Variants in GLIS1 observed in about 807,000 individuals in gnomAD.
GLIS1 encodes the protein GLIS family zinc finger 1, also known as zinc finger protein GLIS1.
In GLIS1, 24 loss-of-function variants were observed where a neutral mutation model predicts 63.8. That is an observed-to-expected ratio of 0.38 (90% CI 0.27 to 0.53). The LOEUF is 0.53. GLIS1 is among the 20% of genes least tolerant of loss of function. The probability of loss-of-function intolerance (pLI) is 0.85; values close to 1 mark genes in which losing one functional copy is unlikely to be tolerated. For missense variants in GLIS1, 1,036 were observed against 1,074.1 expected (o/e 0.96, Z 0.50); for synonymous variants, 450 against 482.5 (o/e 0.93, Z 0.88).
intron 2 of GLIS1, among the ~76,000 whole-genome samples, chr1:53,691,814 C>T (rs1457827130): frequency 6.6e-6 from 1 of 152,182 alleles, no homozygotes; most frequent in African/African-American, 2.4e-5. Flanking sequence ...CCTACCCCCA[C>T]TCCAACCCAG....
intron 6 of GLIS1, among the ~76,000 whole-genome samples, chr1:53,522,994 T>C (rs1174665185): frequency 6.7e-6 from 1 of 148,934 alleles, no homozygotes; most frequent in African/African-American, 2.5e-5. Flanking sequence ...TTCTTTTTTT[T>C]TTTTTTTTTT....
rs1354715743 is a variant in GLIS1, at chr1:53,539,994, CCT to C, written c.1321-10044_1321-10043del. On this transcript the variant is annotated intron_variant, in intron 4 of 10. Coordinates refer to ENST00000628545, the MANE Select transcript of GLIS1 (RefSeq NM_001367484.1). The surrounding 1 kb of genome is among the most constrained non-coding windows in gnomAD (Gnocchi z 5.0). ...TGCGGTGTCCTCTGCTCAAGGTGCC[CCT>C]GTTCACTGGCCAGTCCTCCTTGTCA... Among the ~76,000 whole-genome samples the C allele has an allele frequency of 6.6e-6, 1 of 152,194 alleles. No individual in the cohort carries two copies. The highest frequency in any genetic ancestry group is 1.5e-5 in the Non-Finnish European group (1 of 68,032).
intron 7 of GLIS1, among the ~76,000 whole-genome samples, chr1:53,515,713 C>T (rs1355049490): frequency 6.7e-6 from 1 of 150,350 alleles, no homozygotes; most frequent in Non-Finnish European, 1.5e-5. Flanking sequence ...AATGCCTTCA[C>T]CAAGAAACCC....
At chr1:53,607,113 CAGA>C (rs1299354826) in intron 2 of GLIS1, among the ~76,000 whole-genome samples, 9 of 124,366 alleles carry the variant, frequency 7.2e-5, no homozygotes, top group African/African-American at 2.1e-4. Context: ...TAGAAAAAAT[CAGA>C]AGGTGTACCT....
At chr1:53,525,330 G>A (rs993755319) in intron 5 of GLIS1, among the ~76,000 whole-genome samples, 2 of 149,428 alleles carry the variant, frequency 1.3e-5, no homozygotes, top group Non-Finnish European at 3.0e-5. Flanking sequence ...GCCAGGCTAG[G>A]CGGCACTGAC....
rs1165194419 is a variant in GLIS1, at chr1:53,506,913, C to T, written c.2231-137G>A. 2.0e-5 allele frequency: 18 copies of T among 916,084 alleles called. 1 individual carries two copies. In the East Asian group the frequency reaches 4.6e-4, roughly 23 times the overall value. The allele number at this position is 916,084 out of a possible 1,614,324, so 56.7% of individuals were successfully genotyped here. ...CCCGTCGGTGGGGCCTGCTTGGAGC[C>T]CCCAACTTTTCCAAATGGGGGAGCT... On this transcript the variant is annotated intron_variant, in intron 10 of 10. Transcript: ENST00000628545.
At chr1:53,528,825 C>T (rs1056397784) in intron 5 of GLIS1, among the ~76,000 whole-genome samples, 10 of 152,048 alleles carry the variant, frequency 6.6e-5, no homozygotes, top group South Asian at 6.2e-4. Context: ...CCACAGAGTT[C>T]CCCAAACACC....
intron 2 of GLIS1, among the ~76,000 whole-genome samples, chr1:53,696,250 A>G (rs533738987): frequency 4.6e-5 from 7 of 152,400 alleles, no homozygotes; most frequent in Non-Finnish European, 1.0e-4. Context: ...AAATTGTAAT[A>G]TAGATCTCAC....
chr1:53,732,915 C>T (rs780099989), intron 2 of GLIS1, among the ~76,000 whole-genome samples: 10 of 152,088 alleles, frequency 6.6e-5, no homozygotes, highest in Non-Finnish European at 1.5e-4. Context: ...GAATTCTTTT[C>T]CAAGACAATT....
chr1:53,715,024 C>T (rs2100534338), intron 2 of GLIS1, among the ~76,000 whole-genome samples: 1 of 152,334 alleles, frequency 6.6e-6, no homozygotes, highest in South Asian at 2.1e-4. Flanking sequence ...TCAAGCAATC[C>T]TCCTGCCTCA....
intron 2 of GLIS1, among the ~76,000 whole-genome samples, chr1:53,684,932 G>A (rs1040968758): frequency 1.3e-5 from 2 of 152,222 alleles, no homozygotes; most frequent in Non-Finnish European, 2.9e-5. Flanking sequence ...AGAGGACACA[G>A]AGAGTCATGC....
chr1:53,670,774 G>C (rs1477572355), intron 2 of GLIS1, among the ~76,000 whole-genome samples: 1 of 152,202 alleles, frequency 6.6e-6, no homozygotes, highest in Non-Finnish European at 1.5e-5. Flanking sequence ...AAGGTGCCTT[G>C]TTCATCTCTG....
intron 2 of GLIS1, among the ~76,000 whole-genome samples, chr1:53,618,881 G>A (rs917993396): frequency 1.3e-5 from 2 of 152,236 alleles, no homozygotes; most frequent in African/African-American, 4.8e-5. Flanking sequence ...GCAGGAAGCA[G>A]AGCCCAGAGT....
chr1:53,727,170 T>C (rs1387114773), intron 2 of GLIS1, among the ~76,000 whole-genome samples: 1 of 152,256 alleles, frequency 6.6e-6, no homozygotes, highest in Non-Finnish European at 1.5e-5. Flanking sequence ...TGGCCGCCTT[T>C]GGATAAGTAA....
chr1:53,668,910 G>A (rs1485254099), intron 2 of GLIS1, among the ~76,000 whole-genome samples: 1 of 152,152 alleles, frequency 6.6e-6, no homozygotes, highest in Non-Finnish European at 1.5e-5. Flanking sequence ...TGAAAGATAG[G>A]ATCAGGTCTG....
At chr1:53,649,242 A>G (rs566747191) in intron 2 of GLIS1, among the ~76,000 whole-genome samples, 35 of 152,270 alleles carry the variant, frequency 2.3e-4, no homozygotes, top group Admixed American at 3.9e-4. Context: ...CTGTGCACAC[A>G]GTTACAAACT....
At chr1:53,680,039 C>G (rs1646257916) in intron 2 of GLIS1, among the ~76,000 whole-genome samples, 1 of 152,118 alleles carries the variant, frequency 6.6e-6, no homozygotes, top group African/African-American at 2.4e-5. Flanking sequence ...TTGAACTCCT[C>G]AAGGTCAGGT....
intron 4 of GLIS1, among the ~76,000 whole-genome samples, chr1:53,538,176 C>T (rs1644601414): frequency 6.6e-6 from 1 of 152,130 alleles, no homozygotes; most frequent in African/African-American, 2.4e-5. Context: ...GAGGTTGAGG[C>T]AAGAATGGAA....
chr1:53,615,450 C>T (rs896505367), intron 2 of GLIS1, among the ~76,000 whole-genome samples: 3 of 152,164 alleles, frequency 2.0e-5, no homozygotes, highest in Admixed American at 2.0e-4. Context: ...CTCTCTAGGG[C>T]CAAGGGAGAC....
Sources: allele counts gnomAD v4.1 joint callset (sites outside exome capture counted in the v4.1 genomes callset), GRCh38; gene constraint gnomAD v4.1.1; non-coding constraint Gnocchi (gnomAD v3.1); transcripts MANE v1.5; gene names NCBI Gene and HGNC (gene_info 2026-07-23, HGNC 2026-07-21).